The following ATP7A variants were observed in gnomAD, a reference collection of about 807,000 sequenced individuals.
ATP7A encodes copper-transporting ATPase 1.
ATP7A carries 7 observed loss-of-function variants against 83.5 expected under a neutral mutation model. The ratio of observed to expected loss-of-function variants is 0.08; its 90% CI spans 0.05 to 0.16. ATP7A has a LOEUF of 0.16. ATP7A is among the 10% of genes least tolerant of loss of function. ATP7A has a pLI of 1.00. For missense variants in ATP7A, 940 were observed against 1,120.8 expected, an observed-to-expected ratio of 0.84 and a Z score of 2.30; for synonymous variants, 354 against 395.2, an observed-to-expected ratio of 0.90 and a Z score of 1.24.
chrX:77,947,765 G>C lies in ATP7A; in HGVS notation c.-21-23856G>C, dbSNP rs182816667. On this transcript the variant is annotated intron_variant, in intron 1 of 22. Coordinates refer to ENST00000341514, the MANE Select transcript of ATP7A (RefSeq NM_000052.7). ...TTTTTTTTTTTTTTTTTGCGACAGA[G>C]TTTCGCTCTTGTTGCCCAAGCTGGA... 9.7e-3 allele frequency among the ~76,000 whole-genome samples: 680 copies of C among 70,149 alleles called. 9 individuals carry two copies. Among genetic ancestry groups the C allele is most frequent in the African/African-American group, 0.038 (658 of 17,193 alleles). 60.9% of individuals were successfully genotyped at this position (70,149 alleles called of 115,157 possible).
At chrX:78,034,968 T>C (rs2078004560) in intron 17 of ATP7A, among the ~76,000 whole-genome samples, 1 of 110,413 alleles carries the variant, frequency 9.1e-6, no homozygotes, top group Admixed American at 9.6e-5. Context: ...GGTCTCAAAC[T>C]CCTGACCTCA....
chrX:78,038,755 T>C, intron 17 of ATP7A, 81 bp from the exon 18 acceptor site: 2 of 1,073,195 alleles, frequency 1.9e-6, no homozygotes, highest in Non-Finnish European at 2.6e-6. Context: ...CTGTGCAAGG[T>C]TAGACAGGAA....
At chrX:78,037,993 T>TG (rs1442127787) in intron 17 of ATP7A, among the ~76,000 whole-genome samples, 1 of 92,763 alleles carries the variant, frequency 1.1e-5, no homozygotes, top group African/African-American at 4.1e-5. Context: ...TTTTTTTTTT[T>TG]TTTTTTTTTT....
chrX:77,918,177 C>T (rs1646206009), intron 1 of ATP7A, among the ~76,000 whole-genome samples: 2 of 109,054 alleles, frequency 1.8e-5, no homozygotes, highest in South Asian at 8.0e-4. Context: ...AGCAATCCTC[C>T]TACTTCAGCA....
At chrX:77,973,039 A>G (rs2077557500) in intron 2 of ATP7A, among the ~76,000 whole-genome samples, 1 of 110,063 alleles carries the variant, frequency 9.1e-6, no homozygotes, top group African/African-American at 3.3e-5. Flanking sequence ...TCATGCATAT[A>G]TGGCAGGGAT....
In ATP7A at chrX:77,980,274, C is replaced by G. The variant is rs1338179402; in HGVS notation, c.121-7968C>G. 2.7e-5 allele frequency among the ~76,000 whole-genome samples: 3 copies of G among 110,261 alleles called. No individual in the cohort carries two copies. In the Admixed American group the frequency reaches 2.9e-4, roughly 11 times the overall value. On this transcript the variant is annotated intron_variant, in intron 2 of 22. Transcript: ENST00000341514. ...ACCAGCCTGACCAACATGGTGAAACCCTGTCTGTACTTGAAATACAAAAAT... is the reference window on the plus strand; with the variant it reads ...ACCAGCCTGACCAACATGGTGAAACGCTGTCTGTACTTGAAATACAAAAAT...
In ATP7A at chrX:78,013,132, C is replaced by T. The variant is rs111558818; in HGVS notation, c.2406+20C>T. 19 of 1,172,720 alleles carry T rather than the reference C, an allele frequency of 1.6e-5. No individual in the cohort carries two copies. The highest frequency in any genetic ancestry group is 7.1e-5 in the South Asian group (4 of 56,016). ...GCAAAGGTAAAGTAAGAAAGGGTGACATTTGTTAAAATGTTGGGTGGATAA... is the reference window on the plus strand; with the variant it reads ...GCAAAGGTAAAGTAAGAAAGGGTGATATTTGTTAAAATGTTGGGTGGATAA... On this transcript the variant is annotated intron_variant, in intron 10 of 22. Transcript: ENST00000341514.
At chrX:77,959,245 G>A (rs1312856694) in intron 1 of ATP7A, among the ~76,000 whole-genome samples, 1 of 110,985 alleles carries the variant, frequency 9.0e-6, no homozygotes, top group Non-Finnish European at 1.9e-5. Flanking sequence ...AGTTGATTTT[G>A]TATCCTGTGA....
Position 78,015,768 on chromosome X carries a change from A to T in ATP7A, c.2513A>T (p.Asp838Val). 8.3e-7 allele frequency: 1 copy of T among 1,211,672 alleles called. No individual in the cohort carries two copies. Among genetic ancestry groups the T allele is most frequent in the Non-Finnish European group, 1.1e-6 (1 of 895,292 alleles). The change falls in exon 12 of 23, where the codon GAT becomes GTT. Residue 838 changes from aspartate (D) to valine (V), a missense_variant. Asp to Val is a radical substitution (Grantham distance 152). This residue lies in a region of ATP7A where 386 missense variants were observed against 502.2 expected (regional missense o/e 0.77). Coordinates refer to ENST00000341514, the MANE Select transcript of ATP7A (RefSeq NM_000052.7). ...CTTATATCCAGTGAAGAACAAGTGG[A>T]TGTGGAACTTGTACAACGTGGAGAT... Reference protein sequence around the residue: ...DNILLSEEQVDVELVQRGDII... With the variant: ...DNILLSEEQVVVELVQRGDII...
intron 1 of ATP7A, among the ~76,000 whole-genome samples, chrX:77,933,627 C>G (rs2077302224): frequency 8.9e-6 from 1 of 112,009 alleles, no homozygotes; most frequent in African/African-American, 3.2e-5. Context: ...TATGTTTCAT[C>G]TATAACTTGT....
intron 16 of ATP7A, among the ~76,000 whole-genome samples, chrX:78,031,976 TA>T (rs2077986459): frequency 8.9e-6 from 1 of 112,177 alleles, no homozygotes; most frequent in Non-Finnish European, 1.9e-5. Context: ...ATGACAGCTT[TA>T]TTGAGATATA....
intron 14 of ATP7A, among the ~76,000 whole-genome samples, chrX:78,027,436 A>G (rs781843734): frequency 8.9e-6 from 1 of 112,015 alleles, no homozygotes; most frequent in African/African-American, 3.2e-5. Context: ...TAAAACACTG[A>G]TGAAAGAAAC....
At chrX:78,041,476 TG>T (rs2078048257) in intron 19 of ATP7A, among the ~76,000 whole-genome samples, 1 of 109,832 alleles carries the variant, frequency 9.1e-6, no homozygotes, top group African/African-American at 3.3e-5. Context: ...GGTTTCTCCA[TG>T]TTGGTCAAGC....
At chrX:77,991,470 T>G (rs1229531803) in intron 4 of ATP7A, among the ~76,000 whole-genome samples, 1 of 112,102 alleles carries the variant, frequency 8.9e-6, no homozygotes, top group Non-Finnish European at 1.9e-5. Flanking sequence ...CATTCAACAG[T>G]TGATGGGAAT....
At chrX:77,984,789 G>A (rs1557231213) in intron 2 of ATP7A, among the ~76,000 whole-genome samples, 1 of 112,127 alleles carries the variant, frequency 8.9e-6, no homozygotes, top group African/African-American at 3.2e-5. Context: ...AGGCAAAGTT[G>A]AGTGCTGTTA....
At chrX:77,994,824 G>C (rs2077691943) in intron 4 of ATP7A, among the ~76,000 whole-genome samples, 1 of 111,282 alleles carries the variant, frequency 9.0e-6, no homozygotes, top group African/African-American at 3.3e-5. Context: ...TTACATGTTT[G>C]AGCCACCATG....
At chrX:78,035,535 G>A (rs1269578026) in intron 17 of ATP7A, among the ~76,000 whole-genome samples, 4 of 111,012 alleles carry the variant, frequency 3.6e-5, no homozygotes, top group Non-Finnish European at 7.6e-5. Context: ...AAGGATCCCA[G>A]CTTTAATGGG....
At chrX:78,040,335 G>T (rs1480750125) in intron 18 of ATP7A, among the ~76,000 whole-genome samples, 4 of 110,287 alleles carry the variant, frequency 3.6e-5, no homozygotes, top group African/African-American at 1.3e-4. Flanking sequence ...ATCCAGTAAG[G>T]TCTCTCTTTT....
rs1015926796 is a variant in ATP7A at position 77,937,294 on chromosome X, C to T, written c.-22+26459C>T. 8.0e-5 allele frequency among the ~76,000 whole-genome samples: 9 copies of T among 112,321 alleles called. No individual in the cohort carries two copies. In the South Asian group the frequency reaches 3.3e-3, roughly 41 times the overall value. ...GTGAGATACCACTGTACACTTAAAG[C>T]GGAAATACCAGTTGTTGGCAAGTGT... is the stretch of plus-strand genomic sequence containing the variant. On this transcript the variant is annotated intron_variant, in intron 1 of 22. Coordinates refer to ENST00000341514, the MANE Select transcript of ATP7A (RefSeq NM_000052.7).
Sources: allele counts gnomAD v4.1 joint callset (sites outside exome capture counted in the v4.1 genomes callset), GRCh38; gene constraint gnomAD v4.1.1; regional missense constraint gnomAD v4.1.1; transcripts MANE v1.5; gene names NCBI Gene and HGNC (gene_info 2026-07-23, HGNC 2026-07-21).